PRKCB: variants seen among roughly 807,000 people sequenced by gnomAD.
PRKCB encodes protein kinase C beta type.
A neutral mutation model predicts 81.5 loss-of-function variants in PRKCB; 13 were observed. The observed-to-expected ratio is 0.16, with a 90% CI of 0.10 to 0.25. The LOEUF (loss-of-function observed/expected upper bound fraction) is 0.25, where lower values mean the gene tolerates loss of function less well. Among genes scored for constraint, PRKCB ranks in the 10% least tolerant of loss-of-function variants. The probability of loss-of-function intolerance (pLI) is 1.00; values close to 1 mark genes in which losing one functional copy is unlikely to be tolerated. For missense variants in PRKCB, 509 were observed against 875.7 expected (o/e 0.58, Z 5.29); for synonymous variants, 335 against 321.4 (o/e 1.04, Z -0.45).
intron 2 of PRKCB, among the ~76,000 whole-genome samples, chr16:23,936,579 ATTTTTTTTTTTT>A (rs57643578): frequency 3.1e-5 from 3 of 96,040 alleles, no homozygotes; most frequent in Admixed American, 2.5e-4. Context: ...CACCCAACTA[ATTTTTTTTTTTT>A]TTTTTTTTTT....
chr16:24,021,121 C>CTTTCTTTCTTTCTTTT (rs1965379562), intron 3 of PRKCB, among the ~76,000 whole-genome samples: 1 of 136,360 alleles, frequency 7.3e-6, no homozygotes. Context: ...CTCTCTCTTT[C>CTTTCTTTCTTTCTTTT]TTTCTTTCCT....
intron 9 of PRKCB, among the ~76,000 whole-genome samples, chr16:24,128,736 G>A (rs1030681050): frequency 6.6e-6 from 1 of 152,146 alleles, no homozygotes; most frequent in Non-Finnish European, 1.5e-5. Flanking sequence ...GATACAGAGG[G>A]TACATGCGCA....
At position 24,115,382 on chromosome 16, in the gene PRKCB, C is replaced by T. The variant is rs1261915970; in HGVS notation, c.918+2313C>T. 2.1e-5 allele frequency among the ~76,000 whole-genome samples: 3 copies of T among 146,180 alleles called. 1 individual carries two copies. Among genetic ancestry groups the T allele is most frequent in the African/African-American group, 7.4e-5 (3 of 40,538 alleles). ...ATCCCAAGGATTTTAGCATTTATCC[C>T]AAGAATATTTATCCCAAGGATTTTA... On this transcript the variant is annotated intron_variant, in intron 8 of 16. Transcript: ENST00000643927.
At chr16:24,068,009 T>C (rs1399029755) in intron 5 of PRKCB, among the ~76,000 whole-genome samples, 1 of 150,622 alleles carries the variant, frequency 6.6e-6, no homozygotes, top group Admixed American at 6.6e-5. Context: ...CAGGTTGGGG[T>C]CACCCTTCTG....
At position 24,005,057 on chromosome 16, in the gene PRKCB, C is replaced by T. The variant is rs569970710; in HGVS notation, c.288+16467C>T. ...AGTGTCTGGGGATAAGGGGAATGTT[C>T]TGTGTCTTGACTGGGATGGTGCCTA... is the stretch of plus-strand genomic sequence containing the variant. On this transcript the variant is annotated intron_variant, in intron 3 of 16. Coordinates refer to ENST00000643927, the MANE Select transcript of PRKCB (RefSeq NM_002738.7). 2.0e-5 allele frequency among the ~76,000 whole-genome samples: 3 copies of T among 152,284 alleles called. No homozygotes were observed. In the East Asian group the frequency reaches 5.8e-4, roughly 29 times the overall value.
intron 9 of PRKCB, among the ~76,000 whole-genome samples, chr16:24,142,757 C>T (rs943386009): frequency 9.2e-5 from 14 of 152,154 alleles, no homozygotes; most frequent in Admixed American, 2.0e-4. Context: ...ATCTGACCTA[C>T]CCTCTGCAGG....
At position 23,958,215 on chromosome 16, in the gene PRKCB, C is replaced by T. The variant is rs376267230; in HGVS notation, c.206-30293C>T. Among the ~76,000 whole-genome samples the T allele has an allele frequency of 3.9e-5, 6 of 152,162 alleles. No individual in the cohort carries two copies. In the East Asian group the frequency reaches 1.2e-3, roughly 29 times the overall value. On this transcript the variant is annotated intron_variant, in intron 2 of 16. Transcript: ENST00000643927. Reference sequence around the variant, plus strand: ...CCATGTTGGCCAGGGTGGTCTTGAACTCCTGATCTCAGGTGATCTGCCCAC... The same window carrying T: ...CCATGTTGGCCAGGGTGGTCTTGAATTCCTGATCTCAGGTGATCTGCCCAC...
At chr16:23,850,238 T>C (rs1962450449) in intron 2 of PRKCB, among the ~76,000 whole-genome samples, 1 of 152,232 alleles carries the variant, frequency 6.6e-6, no homozygotes, top group African/African-American at 2.4e-5. Flanking sequence ...ACACTTAGGT[T>C]GATTCCCTAT....
chr16:24,151,828 C>T (rs1175874654), intron 9 of PRKCB: 1 of 455,990 alleles, frequency 2.2e-6, no homozygotes, highest in Non-Finnish European at 4.4e-6. Context: ...TCTCCCTGAG[C>T]CTCAGTGTGT....
At chr16:23,933,886 GT>G (rs1478041485) in intron 2 of PRKCB, among the ~76,000 whole-genome samples, 8 of 126,906 alleles carry the variant, frequency 6.3e-5, no homozygotes, top group African/African-American at 1.9e-4. Context: ...CCATCATCTT[GT>G]TTGTCAATTT....
chr16:24,063,979 A>G (rs1157256818), intron 5 of PRKCB, among the ~76,000 whole-genome samples: 1 of 152,200 alleles, frequency 6.6e-6, no homozygotes, highest in African/African-American at 2.4e-5. Context: ...GTTGGGTGGG[A>G]AAAGCATTTT....
intron 5 of PRKCB, among the ~76,000 whole-genome samples, chr16:24,040,156 T>C (rs1226294940): frequency 6.6e-6 from 1 of 152,210 alleles, no homozygotes; most frequent in Non-Finnish European, 1.5e-5. Flanking sequence ...CTGTTCTTAG[T>C]GTTTTGGCAG....
chr16:23,984,658 CAAAG>C (rs918649232), intron 2 of PRKCB, among the ~76,000 whole-genome samples: 8 of 151,884 alleles, frequency 5.3e-5, no homozygotes, highest in African/African-American at 1.9e-4. Context: ...AAGAAAGAAA[CAAAG>C]AAAGAGAAAA....
intron 13 of PRKCB, among the ~76,000 whole-genome samples, chr16:24,183,969 C>T (rs897157598): frequency 6.6e-6 from 1 of 152,156 alleles, no homozygotes; most frequent in African/African-American, 2.4e-5. Context: ...ACCAATTCTA[C>T]ATCTAGGAGT....
At chr16:24,205,417 A>G (rs1485827492) in intron 16 of PRKCB, among the ~76,000 whole-genome samples, 1 of 151,986 alleles carries the variant, frequency 6.6e-6, no homozygotes, top group East Asian at 1.9e-4. Flanking sequence ...GGCCTCCCAA[A>G]GTGCTGGTAT....
chr16:23,980,906 G>T (rs1309020389), intron 2 of PRKCB, among the ~76,000 whole-genome samples: 1 of 152,000 alleles, frequency 6.6e-6, no homozygotes, highest in East Asian at 1.9e-4. Context: ...GAAGTGCAGT[G>T]TGAAGCAGAG....
At chr16:24,021,031 T>TCC (rs1567346721) in intron 3 of PRKCB, among the ~76,000 whole-genome samples, 2 of 139,980 alleles carry the variant, frequency 1.4e-5, no homozygotes, top group African/African-American at 2.8e-5. Context: ...TTTCTTTCTT[T>TCC]CTTTCTTTCT....
rs373297995 is a variant in PRKCB at position 23,957,781 on chromosome 16, C to T, written c.206-30727C>T. Reference sequence around the variant, plus strand: ...AAGCTGAGTGTGTGCCCTCACTTTCCGTAAACTCACAGTTCCTTTATTCTG... The same window carrying T: ...AAGCTGAGTGTGTGCCCTCACTTTCTGTAAACTCACAGTTCCTTTATTCTG... On this transcript the variant is annotated intron_variant, in intron 2 of 16. Transcript: ENST00000643927. Among the ~76,000 whole-genome samples, 36 of 152,160 alleles carry T rather than the reference C, an allele frequency of 2.4e-4. No individual in the cohort carries two copies. The South Asian group carries it at 5.8e-3, about 25-fold the overall frequency.
intron 16 of PRKCB, chr16:24,203,333 G>A (rs1967990408): frequency 6.6e-6 from 1 of 151,818 alleles, no homozygotes; most frequent in South Asian, 2.1e-4. Flanking sequence ...ACAAGATCAG[G>A]GGCTGTATCT....
Sources: allele counts gnomAD v4.1 joint callset (sites outside exome capture counted in the v4.1 genomes callset), GRCh38; gene constraint gnomAD v4.1.1; transcripts MANE v1.5; gene names NCBI Gene and HGNC (gene_info 2026-07-23, HGNC 2026-07-21).